Variants in HNRNPH1 observed in about 807,000 individuals in gnomAD.
HNRNPH1 encodes the protein heterogeneous nuclear ribonucleoprotein H1.
A neutral mutation model predicts 58.6 loss-of-function variants in HNRNPH1; 4 were observed. The observed-to-expected ratio is 0.07, with a 90% CI of 0.03 to 0.16. The LOEUF (loss-of-function observed/expected upper bound fraction) is 0.16, where lower values mean the gene tolerates loss of function less well. Among genes scored for constraint, HNRNPH1 ranks in the 10% least tolerant of loss-of-function variants. The pLI is 1.00. For synonymous variants in HNRNPH1, 192 were observed against 189.2 expected (o/e 1.01, Z -0.12); for missense variants, 271 against 564.2 (o/e 0.48, Z 5.26).
intron 1 of HNRNPH1, among the ~76,000 whole-genome samples, chr5:179,622,668 G>A (rs1482735892): frequency 6.6e-6 from 1 of 152,092 alleles, no homozygotes; most frequent in African/African-American, 2.4e-5. Context: ...CCGAGAACGC[G>A]CCACTGCACT....
intron 2 of HNRNPH1, among the ~76,000 whole-genome samples, chr5:179,632,664 C>A (rs1467426899): frequency 6.6e-6 from 1 of 152,040 alleles, no homozygotes; most frequent in Non-Finnish European, 1.5e-5. Context: ...TCCAGGCGGA[C>A]AACGCAGGCG....
intron 1 of HNRNPH1, chr5:179,621,826 A>C: frequency 5.1e-6 from 2 of 390,664 alleles, no homozygotes; most frequent in Middle Eastern, 3.6e-4. Context: ...AATTCAAATT[A>C]CAAGCCCAAT....
intron 10 of HNRNPH1, chr5:179,616,425 C>A (rs1016384193): frequency 1.7e-6 from 1 of 585,568 alleles, no homozygotes. Context: ...AAAGTGCTAA[C>A]GGTACACACA....
chr5:179,632,776 A>ATTTTTTTTT (rs1774954523), intron 2 of HNRNPH1, among the ~76,000 whole-genome samples: 1 of 15,242 alleles, frequency 6.6e-5, no homozygotes. Context: ...TTTTTTTTTG[A>ATTTTTTTTT]GACGGAGTCT....
intron 2 of HNRNPH1, among the ~76,000 whole-genome samples, chr5:179,633,664 T>G (rs1191038010): frequency 6.6e-6 from 1 of 151,992 alleles, no homozygotes; most frequent in Non-Finnish European, 1.5e-5. Flanking sequence ...CCTGCAATAT[T>G]AGCACTTTGG....
intron 2 of HNRNPH1, among the ~76,000 whole-genome samples, chr5:179,631,979 C>T (rs943015149): frequency 1.3e-5 from 2 of 152,212 alleles, no homozygotes; most frequent in East Asian, 3.9e-4. Flanking sequence ...GGGACCTGCT[C>T]GGGTGGTACA....
At chr5:179,620,703 T>G in intron 3 of HNRNPH1, 189 bp downstream of exon 4, 2 of 579,104 alleles carry the variant, frequency 3.5e-6, no homozygotes, top group Non-Finnish European at 6.2e-6. Flanking sequence ...AGTTAACATT[T>G]TGGAAGTACT....
intron 10 of HNRNPH1, chr5:179,616,555 T>C (rs6890791): frequency 0.044 from 22,438 of 511,040 alleles, 810 homozygotes; most frequent in African/African-American, 0.12. Context: ...GGCATGTCAA[T>C]ACACCTAATT....
At position 179,615,585 on chromosome 5, in the gene HNRNPH1, TA is replaced by T; in HGVS notation, c.1310del (p.Leu437TyrfsTer15). On this transcript the variant is annotated frameshift_variant, in exon 12 of 13. Transcript: ENST00000356731. LOFTEE classifies it high-confidence loss of function. ...ATTGAAAATCACTGGAGTTTTCCTG[TA>T]AAACTTGGTCTGCAAAAGGATTTTG... The T allele has an allele frequency of 6.4e-7, 1 of 1,565,248 alleles. No individual in the cohort carries two copies.
chr5:179,616,371 C>T lies in HNRNPH1; in HGVS notation c.1208-153G>A, dbSNP rs1769666413. ...TTCTGCCTACTGTCTATAACCAGGC[C>T]ACCCTTCTATCCATCATTTGAGCCA... On this transcript the variant is annotated intron_variant, in intron 10 of 12. Coordinates refer to ENST00000356731, the Ensembl canonical transcript of HNRNPH1. 3 of 657,146 alleles carry T rather than the reference C, an allele frequency of 4.6e-6. No individual in the cohort carries two copies. In the South Asian group the frequency reaches 5.2e-5, roughly 11 times the overall value. 40.7% of individuals were successfully genotyped at this position (657,146 alleles called of 1,614,324 possible). A position where few individuals can be genotyped will look rare whatever the true frequency, so the allele number is the denominator to read the frequency against.
intron 1 of HNRNPH1, chr5:179,621,924 C>A (rs765828208): frequency 2.2e-6 from 1 of 456,256 alleles, no homozygotes; most frequent in Non-Finnish European, 4.4e-6. Flanking sequence ...CCCTGCAAGG[C>A]GGCTTCCAGC....
Position 179,617,949 on chromosome 5 carries a change from G to A in HNRNPH1, c.788-17C>T, listed in dbSNP as rs371107241. 1.2e-5 allele frequency: 19 copies of A among 1,613,930 alleles called. No homozygotes were observed. The East Asian group carries it at 1.3e-4, about 11-fold the overall frequency. On this transcript the variant is annotated splice_polypyrimidine_tract_variant and intron_variant, in intron 6 of 12. Transcript: ENST00000356731. ...AATTGAGGTCTAGATGGACAAGAGT[G>A]TAAGCATCCTTCAACTGAGAAATTC...
chr5:179,625,446 C>G (rs1305435779), upstream of HNRNPH1, among the ~76,000 whole-genome samples: 12 of 146,962 alleles, frequency 8.2e-5, no homozygotes, highest in African/African-American at 3.1e-4. Flanking sequence ...GAGCTGAGAT[C>G]ACACCACTGC....
upstream of HNRNPH1, among the ~76,000 whole-genome samples, chr5:179,625,009 G>C (rs1469563443): frequency 2.0e-5 from 3 of 152,228 alleles, no homozygotes; most frequent in Non-Finnish European, 4.4e-5. Context: ...TTATCTCCGA[G>C]AGAAGGCTTT....
Position 179,617,195 on chromosome 5 carries a change from G to A in HNRNPH1, c.1058-85C>T, listed in dbSNP as rs1244878686. On this transcript the variant is annotated intron_variant, in intron 8 of 12. Coordinates refer to ENST00000356731, the Ensembl canonical transcript of HNRNPH1. ...CTTTTATAAAGTTTTTAAACAAGCA[G>A]ATCTGTGAACTTCAAATACTTTGGC... 2.9e-5 allele frequency: 39 copies of A among 1,334,210 alleles called. No individual in the cohort carries two copies. The East Asian group carries it at 8.0e-4, about 27-fold the overall frequency. 82.6% of individuals were successfully genotyped at this position (1,334,210 alleles called of 1,614,324 possible).
chr5:179,626,998 GTC>G (rs1402451393), upstream of HNRNPH1, among the ~76,000 whole-genome samples: 1 of 151,922 alleles, frequency 6.6e-6, no homozygotes, highest in Admixed American at 6.6e-5. Flanking sequence ...AGCCAGGATG[GTC>G]TCGATCTCCT....
intron 10 of HNRNPH1, 61 bp downstream of exon 11, chr5:179,616,808 C>G: frequency 7.5e-7 from 1 of 1,335,942 alleles, no homozygotes; most frequent in Non-Finnish European, 1.1e-6. Flanking sequence ...ATTAACTTAA[C>G]TTATAATTGA....
chr5:179,631,000 A>G lies in HNRNPH1; in HGVS notation c.-32+3065T>C, dbSNP rs868635344. ...TCATTAAAGCATACATTCCATTCCT[A>G]CTTTTGCACTGATTTAATTACAAGA... On this transcript the variant is annotated intron_variant, in intron 2 of 4. Transcript: ENST00000521116. Among the ~76,000 whole-genome samples the G allele has an allele frequency of 2.0e-5, 3 of 152,120 alleles. 1 individual carries two copies. The highest frequency in any genetic ancestry group is 1.3e-4 in the Admixed American group (2 of 15,248).
exon 1 of HNRNPH1, chr5:179,624,589 G>A (rs925713141): frequency 2.5e-6 from 1 of 398,772 alleles, no homozygotes; most frequent in East Asian, 3.6e-5. Context: ...AGGCGTAGAC[G>A]CTGCATTCGA....
Sources: gnomAD v4.1 joint callset for allele counts (sites outside exome capture counted in the v4.1 genomes callset) on GRCh38, gnomAD v4.1.1 for gene constraint, MANE v1.5 for transcripts, NCBI Gene and HGNC (gene_info 2026-07-23, HGNC 2026-07-21) for gene names.